Variants in PNRC2 observed in about 807,000 individuals in gnomAD.
The protein encoded by PNRC2 is proline rich nuclear receptor coactivator 2.
In PNRC2, 2 loss-of-function variants were observed where a neutral mutation model predicts 12.2. That is an observed-to-expected ratio of 0.16 (90% CI 0.07 to 0.52). The LOEUF is 0.52. Ranked by LOEUF, PNRC2 falls within the 20% of genes least tolerant of loss-of-function variation. PNRC2 has a pLI of 0.95. For synonymous variants in PNRC2, 44 were observed against 53.9 expected, an observed-to-expected ratio of 0.82 and a Z score of 0.80; for missense variants, 115 against 158.4, an observed-to-expected ratio of 0.73 and a Z score of 1.47.
chr1:23,961,315 A>G, intron 2 of PNRC2, 125 bp from the exon 3 acceptor site: 1 of 626,674 alleles, frequency 1.6e-6, no homozygotes, highest in Non-Finnish European at 2.6e-6. Flanking sequence ...AAGCAGCTGA[A>G]TAGCCTGTTA....
At chr1:23,961,332 C>A (rs1641273168) in intron 2 of PNRC2, 108 bp from the exon 3 acceptor site, 1 of 807,510 alleles carries the variant, frequency 1.2e-6, no homozygotes, top group Non-Finnish European at 1.9e-6. Context: ...GTTATTGAGT[C>A]TTGTCCAAAA....
intron 2 of PNRC2, 141 bp from the exon 3 acceptor site, chr1:23,961,299 A>T: frequency 3.4e-6 from 2 of 585,554 alleles, no homozygotes; most frequent in East Asian, 2.8e-5. Context: ...TGCTTTTTTG[A>T]GTTTAAAGCA....
rs1443226064 is a variant in PNRC2, at chr1:23,962,103, T to A, written c.*226T>A. 2.5e-6 allele frequency: 1 copy of A among 393,204 alleles called. No homozygotes were observed. Among genetic ancestry groups the A allele is most frequent in the Non-Finnish European group, 4.8e-6 (1 of 209,360 alleles). The allele number at this position is 393,204 out of a possible 1,614,324, so 24.4% of individuals were successfully genotyped here. The stretch of plus-strand genomic sequence containing the variant: ...GAGTAACTTTTAAGTGGAAACCAAG[T>A]TTAGATTTGGGGAGTGGTAAAGGAA... On this transcript the variant is annotated 3_prime_UTR_variant, in exon 3 of 3. Coordinates refer to ENST00000334351, the MANE Select transcript of PNRC2 (RefSeq NM_017761.4).
chr1:23,959,308 C>T (rs1207474870), upstream of PNRC2: 2 of 150,668 alleles, frequency 1.3e-5, no homozygotes, highest in Admixed American at 1.3e-4. Context: ...CGGGGAGGCG[C>T]CGGCTTCGGA....
At position 23,960,959 on chromosome 1, in the gene PNRC2, G is replaced by A; in HGVS notation, c.-194G>A. 1 of 399,434 alleles carries A rather than the reference G, an allele frequency of 2.5e-6. No homozygotes were observed. Among genetic ancestry groups the A allele is most frequent in the Non-Finnish European group, 4.4e-6 (1 of 226,342 alleles). 24.7% of individuals were successfully genotyped at this position (399,434 alleles called of 1,614,324 possible). On this transcript the variant is annotated 5_prime_UTR_variant, in exon 2 of 3. Transcript: ENST00000334351. The stretch of plus-strand genomic sequence containing the variant: ...ACTTCTCTCAAACTTGTGTGCTGAG[G>A]AGACTCAGATGTTGGCCTCAGCTCC...
chr1:23,960,737 C>T (rs6697024), intron 1 of PNRC2, among the ~76,000 whole-genome samples, 192 bp from the exon 2 acceptor site: 150,740 of 152,322 alleles, frequency 0.99, 74,603 homozygotes, highest in East Asian at 1. Flanking sequence ...CCAGGAGTGA[C>T]TGGATCTCAA....
chr1:23,961,415 A>C (rs1641274825), intron 2 of PNRC2, 25 bp from the exon 3 acceptor site: 1 of 1,477,654 alleles, frequency 6.8e-7, no homozygotes. Flanking sequence ...AATTTTACTC[A>C]ATATTTGTTT....
Position 23,961,740 on chromosome 1 carries a change from G to A in PNRC2, c.283G>A (p.Gly95Ser). The change falls in exon 3 of 3, where the codon GGT becomes AGT. Residue 95 changes from glycine to serine, a missense_variant. Transcript: ENST00000334351. ...FKSQANQNYA[G>S]AKFSEPPSPS... The stretch of plus-strand genomic sequence containing the variant: ...ATCTCAAGCTAATCAGAACTATGCT[G>A]GTGCCAAATTTAGTGAGCCGCCATC... 6.2e-7 allele frequency: 1 copy of A among 1,613,954 alleles called. No homozygotes were observed. The highest frequency in any genetic ancestry group is 1.1e-5 in the South Asian group (1 of 91,072).
chr1:23,961,214 A>G, intron 2 of PNRC2, 80 bp downstream of exon 2: 1 of 457,094 alleles, frequency 2.2e-6, no homozygotes, highest in East Asian at 3.2e-5. Context: ...GATTATGTAG[A>G]TTTGTGGGTA....
In PNRC2 at chr1:23,963,417, AAATT is replaced by A. The variant is rs1641318223; in HGVS notation, c.*1543_*1546del. ...GTACATGATATGAATGTGAAGCATAAAATTAAATAAAATTTTTCCCCATTGGCTT... is the reference window on the plus strand; with the variant it reads ...GTACATGATATGAATGTGAAGCATAAAAATAAAATTTTTCCCCATTGGCTT... On this transcript the variant is annotated 3_prime_UTR_variant, in exon 3 of 3. Transcript: ENST00000334351. 38 of 166,438 alleles carry A rather than the reference AAATT, an allele frequency of 2.3e-4. No individual in the cohort carries two copies. Among genetic ancestry groups the A allele is most frequent in the Admixed American group, 1.9e-3 (29 of 15,280 alleles). 10.3% of individuals were successfully genotyped at this position (166,438 alleles called of 1,614,324 possible).
rs1641308297 is a variant in PNRC2, at chr1:23,962,909, G to C, written c.*1032G>C. On this transcript the variant is annotated 3_prime_UTR_variant, in exon 3 of 3. Transcript: ENST00000334351. Reference sequence around the variant, plus strand: ...GTGTAATAAGTTTTATAACTAAAAAGGTTTAAGCTGCTAAAACTATTTTTA... The same window carrying C: ...GTGTAATAAGTTTTATAACTAAAAACGTTTAAGCTGCTAAAACTATTTTTA... The C allele has an allele frequency of 6.0e-6, 1 of 166,716 alleles. No individual in the cohort carries two copies. The highest frequency in any genetic ancestry group is 1.5e-5 in the Non-Finnish European group (1 of 67,998). 10.3% of individuals were successfully genotyped at this position (166,716 alleles called of 1,614,324 possible).
In PNRC2 at chr1:23,961,949, G is replaced by GA. The variant is rs1346496951; in HGVS notation, c.*74dup. 1.2e-6 allele frequency: 1 copy of GA among 822,630 alleles called. No homozygotes were observed. The highest frequency in any genetic ancestry group is 2.7e-5 in the Admixed American group (1 of 37,414). 51.0% of individuals were successfully genotyped at this position (822,630 alleles called of 1,614,324 possible). A position where few individuals can be genotyped will look rare whatever the true frequency, so the allele number is the denominator to read the frequency against. On this transcript the variant is annotated 3_prime_UTR_variant, in exon 3 of 3. Transcript: ENST00000334351. ...ATTGGTCTGAAACAAATTCGCTAGG[G>GA]AATCTATTTGTGTAGAACTAATTAA...
chr1:23,961,893 TAAATTTA>T lies in PNRC2; in HGVS notation c.*17_*23del, dbSNP rs1641285375. On this transcript the variant is annotated 3_prime_UTR_variant, in exon 3 of 3. Coordinates refer to ENST00000334351, the MANE Select transcript of PNRC2 (RefSeq NM_017761.4). ...ACAGGTATAAAATAAGACAAATGTT[TAAATTTA>T]GTTATGTTCACGGATAGTTGTCAAT... 1 of 1,473,146 alleles carries T rather than the reference TAAATTTA, an allele frequency of 6.8e-7. No homozygotes were observed. Among genetic ancestry groups the T allele is most frequent in the African/African-American group, 1.4e-5 (1 of 70,500 alleles). The allele number at this position is 1,473,146 out of a possible 1,614,324, so 91.3% of individuals were successfully genotyped here.
At chr1:23,960,614 C>T (rs1641259233) in intron 1 of PNRC2, among the ~76,000 whole-genome samples, 1 of 152,184 alleles carries the variant, frequency 6.6e-6, no homozygotes, top group Non-Finnish European at 1.5e-5. Context: ...TTTGATATGA[C>T]TCAACATTTA....
At chr1:23,959,241 G>C (rs1641231889), upstream of PNRC2, 1 of 152,394 alleles carries the variant, frequency 6.6e-6, no homozygotes, top group African/African-American at 2.4e-5. Flanking sequence ...CGCCTTCACA[G>C]GGAGGCAACT....
chr1:23,961,617 G>A lies in PNRC2; in HGVS notation c.160G>A (p.Ala54Thr), dbSNP rs908873824. 1.1e-4 allele frequency: 181 copies of A among 1,613,938 alleles called. 2 individuals carry two copies. In the Middle Eastern group the frequency reaches 1.5e-3, roughly 13 times the overall value. ...ERGHGYNSSA[A>T]AWQAMQNGGK... is the part of the protein sequence containing the mutation. ...AGGACATGGTTATAACTCATCAGCA[G>A]CTGCCTGGCAGGCCATGCAAAATGG... is the stretch of plus-strand genomic sequence containing the variant. The change falls in exon 3 of 3, where the codon GCT becomes ACT. Residue 54 changes from alanine to threonine, a missense_variant. Physicochemically the swap from Ala to Thr is moderately conservative, Grantham distance 58. This residue lies in a region of PNRC2 where 98 missense variants were observed against 112.4 expected (regional missense o/e 0.87). Coordinates refer to ENST00000334351, the MANE Select transcript of PNRC2 (RefSeq NM_017761.4).
At chr1:23,960,316 T>G (rs1423417312) in intron 1 of PNRC2, among the ~76,000 whole-genome samples, 1 of 152,254 alleles carries the variant, frequency 6.6e-6, no homozygotes, top group Non-Finnish European at 1.5e-5. Flanking sequence ...AACTATTTGG[T>G]AACTTATTTT....
At chr1:23,960,674 AAAAGAT>A (rs1376786676) in intron 1 of PNRC2, among the ~76,000 whole-genome samples, 15 of 152,364 alleles carry the variant, frequency 9.8e-5, no homozygotes, top group African/African-American at 2.6e-4. Context: ...TTTCCCAGGA[AAAAGAT>A]AAAGATAAAA....
rs1641288301 is a variant in PNRC2 at position 23,961,953 on chromosome 1, C to CT, written c.*77dup. ...GTCTGAAACAAATTCGCTAGGGAAT[C>CT]TATTTGTGTAGAACTAATTAATGTA... On this transcript the variant is annotated 3_prime_UTR_variant, in exon 3 of 3. Transcript: ENST00000334351. 1 of 807,080 alleles carries CT rather than the reference C, an allele frequency of 1.2e-6. No homozygotes were observed. The highest frequency in any genetic ancestry group is 2.0e-6 in the Non-Finnish European group (1 of 502,294). 50.0% of individuals were successfully genotyped at this position (807,080 alleles called of 1,614,324 possible). A position where few individuals can be genotyped will look rare whatever the true frequency, so the allele number is the denominator to read the frequency against.
Sources: allele counts gnomAD v4.1 joint callset (sites outside exome capture counted in the v4.1 genomes callset), GRCh38; gene constraint gnomAD v4.1.1; regional missense constraint gnomAD v4.1.1; transcripts MANE v1.5; gene names NCBI Gene and HGNC (gene_info 2026-07-23, HGNC 2026-07-21).